The following TMEM163 variants were observed in gnomAD, a reference collection of about 807,000 sequenced individuals.
TMEM163 encodes transmembrane protein 163.
A neutral mutation model predicts 29.3 loss-of-function variants in TMEM163; 17 were observed. The ratio of observed to expected loss-of-function variants is 0.58; its 90% confidence interval spans 0.40 to 0.87. The LOEUF (loss-of-function observed/expected upper bound fraction) is 0.87. Ranked by LOEUF, TMEM163 falls within the 40% of genes least tolerant of loss-of-function variation. TMEM163 has a pLI of 0.00. For synonymous variants in TMEM163, 157 were observed against 160.6 expected, an observed-to-expected ratio of 0.98 and a Z score of 0.17; for missense variants, 303 against 381.5, an observed-to-expected ratio of 0.79 and a Z score of 1.71.
At chr2:134,484,373 A>C (rs896918157) in intron 5 of TMEM163, among the ~76,000 whole-genome samples, 2 of 152,136 alleles carry the variant, frequency 1.3e-5, no homozygotes, top group African/African-American at 4.8e-5. Context: ...TAGTCATATC[A>C]AAAACATTAG....
intron 4 of TMEM163, among the ~76,000 whole-genome samples, chr2:134,512,641 G>A (rs1679975797): frequency 6.6e-6 from 1 of 152,162 alleles, no homozygotes; most frequent in South Asian, 2.1e-4. Flanking sequence ...ACTGTTCTGG[G>A]GGCAAGCCAT....
chr2:134,622,187 C>T (rs1053998947), intron 2 of TMEM163, among the ~76,000 whole-genome samples: 98 of 152,020 alleles, frequency 6.4e-4, no homozygotes, highest in Non-Finnish European at 2.4e-4. Context: ...AGTGGACATC[C>T]GGGAGATTTT....
Position 134,572,139 on chromosome 2 carries a change from T to G in TMEM163, c.323-20048A>C, listed in dbSNP as rs77989151. ...GAATTCCTCACATGAAAAAGAGAAC[T>G]GAGCCCTGAGACATGGAGCACCTTG... On this transcript the variant is annotated intron_variant, in intron 2 of 7. Transcript: ENST00000281924. Among the ~76,000 whole-genome samples the G allele has an allele frequency of 9.8e-3, 1,489 of 152,274 alleles. 32 individuals carry two copies. Among genetic ancestry groups the G allele is most frequent in the African/African-American group, 0.034 (1,394 of 41,532 alleles).
At chr2:134,465,204 C>CAAAAAAAAAAAAAA (rs1317053767) in intron 6 of TMEM163, among the ~76,000 whole-genome samples, 1 of 115,316 alleles carries the variant, frequency 8.7e-6, no homozygotes, top group African/African-American at 4.8e-5. Flanking sequence ...AAAAAAAAAA[C>CAAAAAAAAAAAAAA]AAAAACAAAA....
At chr2:134,568,118 G>A (rs750043876) in intron 2 of TMEM163, among the ~76,000 whole-genome samples, 7 of 152,246 alleles carry the variant, frequency 4.6e-5, no homozygotes, top group Non-Finnish European at 7.3e-5. Flanking sequence ...ATTTGAAAGT[G>A]TGTGGTAACT....
chr2:134,578,991 T>C (rs1681628279), intron 2 of TMEM163, among the ~76,000 whole-genome samples: 1 of 152,158 alleles, frequency 6.6e-6, no homozygotes, highest in Admixed American at 6.5e-5. Flanking sequence ...CAAAAGGAAG[T>C]AGATGGTTCA....
intron 5 of TMEM163, among the ~76,000 whole-genome samples, chr2:134,481,800 G>A (rs1679192163): frequency 6.6e-6 from 1 of 152,126 alleles, no homozygotes; most frequent in African/African-American, 2.4e-5. Flanking sequence ...AGAGTGACAT[G>A]AGCTGAGATG....
chr2:134,604,422 C>T (rs1346971004), intron 2 of TMEM163, among the ~76,000 whole-genome samples: 7 of 139,196 alleles, frequency 5.0e-5, no homozygotes, highest in Non-Finnish European at 1.1e-4. Context: ...GAGCCATAAC[C>T]TTAGCTTTTA....
chr2:134,558,754 G>A (rs1681102083), intron 2 of TMEM163, among the ~76,000 whole-genome samples: 1 of 152,124 alleles, frequency 6.6e-6, no homozygotes, highest in African/African-American at 2.4e-5. Context: ...CAAAAATGAG[G>A]ACCCATCTGT....
chr2:134,505,770 G>A (rs543902972), intron 4 of TMEM163, among the ~76,000 whole-genome samples: 78 of 152,280 alleles, frequency 5.1e-4, no homozygotes, highest in African/African-American at 1.8e-3. Flanking sequence ...CACAAAAGGC[G>A]GATATGGATT....
chr2:134,529,715 C>T (rs576611974), intron 4 of TMEM163, among the ~76,000 whole-genome samples: 49 of 151,596 alleles, frequency 3.2e-4, no homozygotes, highest in African/African-American at 1.1e-3. Context: ...ATCTCCCCGG[C>T]GATCACACTA....
intron 5 of TMEM163, among the ~76,000 whole-genome samples, chr2:134,486,065 G>A (rs192267842): frequency 6.7e-4 from 102 of 152,288 alleles, no homozygotes; most frequent in Non-Finnish European, 1.2e-3. Flanking sequence ...TCACATGGCA[G>A]GGTGTAAGTT....
At chr2:134,535,919 C>T (rs952338365) in intron 4 of TMEM163, among the ~76,000 whole-genome samples, 5 of 152,154 alleles carry the variant, frequency 3.3e-5, no homozygotes, top group East Asian at 1.9e-4. Context: ...GACAGGGTTT[C>T]GCCATGTTGG....
intron 5 of TMEM163, among the ~76,000 whole-genome samples, chr2:134,480,954 C>T (rs1687038657): frequency 6.6e-6 from 1 of 152,164 alleles, no homozygotes. Flanking sequence ...CAAAACAAAA[C>T]AGAATATTTC....
intron 2 of TMEM163, among the ~76,000 whole-genome samples, chr2:134,575,842 C>T (rs1003982455): frequency 1.1e-4 from 17 of 151,832 alleles, no homozygotes; most frequent in Admixed American, 1.3e-4. Flanking sequence ...TAAGTCAAAA[C>T]GAGGCATGTC....
At chr2:134,643,637 T>C (rs1013383934) in intron 2 of TMEM163, among the ~76,000 whole-genome samples, 11 of 151,712 alleles carry the variant, frequency 7.3e-5, no homozygotes, top group Middle Eastern at 3.4e-3. Flanking sequence ...CAATTGACAA[T>C]TGTCAAAATT....
rs200222334 is a variant in TMEM163 at position 134,707,058 on chromosome 2, AG to A, written c.322+6141del. Reference sequence around the variant, plus strand: ...GTTTATCGTTCCCAAGCACACCCACAGGGAGCACTTTATCCCTCAGAACACC... The same window carrying A: ...GTTTATCGTTCCCAAGCACACCCACAGGAGCACTTTATCCCTCAGAACACC... On this transcript the variant is annotated intron_variant, in intron 2 of 7. Coordinates refer to ENST00000281924, the MANE Select transcript of TMEM163 (RefSeq NM_030923.5). 7.2e-4 allele frequency among the ~76,000 whole-genome samples: 109 copies of A among 152,330 alleles called. 2 individuals are homozygous for A. In the East Asian group the frequency reaches 0.015, roughly 20 times the overall value.
At chr2:134,513,971 G>A (rs1680001554) in intron 4 of TMEM163, among the ~76,000 whole-genome samples, 1 of 152,228 alleles carries the variant, frequency 6.6e-6, no homozygotes, top group Non-Finnish European at 1.5e-5. Context: ...GTAGCAGGCG[G>A]GCTGTCTTTC....
chr2:134,560,645 A>G (rs1023334482), intron 2 of TMEM163, among the ~76,000 whole-genome samples: 1 of 152,212 alleles, frequency 6.6e-6, no homozygotes, highest in Non-Finnish European at 1.5e-5. Context: ...GGAAAGAGTA[A>G]GGATAGCCCC....
Sources: gnomAD v4.1 joint callset for allele counts (sites outside exome capture counted in the v4.1 genomes callset) on GRCh38, gnomAD v4.1.1 for gene constraint, MANE v1.5 for transcripts, NCBI Gene and HGNC (gene_info 2026-07-23, HGNC 2026-07-21) for gene names.